The following WDR47 variants were observed in gnomAD, a reference collection of about 807,000 sequenced individuals.
The protein encoded by WDR47 is WD repeat-containing protein 47.
In WDR47, 32 loss-of-function variants were observed where a neutral mutation model predicts 97.2. The observed-to-expected ratio is 0.33, with a 90% confidence interval of 0.25 to 0.44. WDR47 has a LOEUF of 0.44. Ranked by LOEUF, WDR47 falls within the 20% of genes least tolerant of loss-of-function variation. The pLI, the probability that WDR47 is intolerant of heterozygous loss-of-function variation, is 1.00. For synonymous variants in WDR47, 375 were observed against 373.5 expected, an observed-to-expected ratio of 1.00 and a Z score of -0.05; for missense variants, 782 against 1,102.3, an observed-to-expected ratio of 0.71 and a Z score of 4.11.
In WDR47 at chr1:108,995,808, A is replaced by G. The variant is rs778028121; in HGVS notation, c.1463T>C (p.Ile488Thr). The G allele has an allele frequency of 6.2e-7, 1 of 1,614,134 alleles. No homozygotes were observed. The highest frequency in any genetic ancestry group is 8.5e-7 in the Non-Finnish European group (1 of 1,180,004). ...RSIQKLGELN[I>T]GMDGLGNEVS... ...CTCATTACCAAGGCCATCCATTCCA[A>G]TATTTAATTCACCAAGCTTTTGAAT... The change falls in exon 8 of 15, where the codon ATT becomes ACT. Residue 488 changes from isoleucine to threonine, a missense_variant. By Grantham distance (89) the Ile-to-Thr change is moderately conservative. Coordinates refer to ENST00000369962, the MANE Select transcript of WDR47 (RefSeq NM_001142551.2).
intron 9 of WDR47, among the ~76,000 whole-genome samples, chr1:108,988,355 G>A (rs1377899910): frequency 6.6e-6 from 1 of 151,424 alleles, no homozygotes; most frequent in Non-Finnish European, 1.5e-5. Flanking sequence ...TTTCATTTGT[G>A]TTTCTAAATG....
intron 11 of WDR47, 132 bp from the exon 12 acceptor site, chr1:108,982,911 T>A: frequency 9.4e-7 from 1 of 1,059,940 alleles, no homozygotes. Context: ...CATTTAGGGA[T>A]TGGTATTATA....
chr1:108,997,638 T>C (rs553491293), intron 7 of WDR47, among the ~76,000 whole-genome samples: 5 of 150,358 alleles, frequency 3.3e-5, no homozygotes, highest in Admixed American at 6.7e-5. Context: ...TGGGCGCCTG[T>C]AGTCCCAGCT....
At chr1:108,987,986 AGC>A (rs1658970217) in intron 9 of WDR47, among the ~76,000 whole-genome samples, 5 of 151,936 alleles carry the variant, frequency 3.3e-5, no homozygotes, top group African/African-American at 1.2e-4. Context: ...CTATAATCCC[AGC>A]ACTTTGTGAG....
intron 7 of WDR47, among the ~76,000 whole-genome samples, chr1:108,997,484 C>T (rs550791396): frequency 4.6e-5 from 7 of 150,912 alleles, no homozygotes; most frequent in African/African-American, 7.3e-5. Context: ...GGGCTGGGCG[C>T]GGTGGCTCAT....
At chr1:108,990,889 C>A (rs1659285975) in intron 9 of WDR47, among the ~76,000 whole-genome samples, 1 of 152,184 alleles carries the variant, frequency 6.6e-6, no homozygotes. Flanking sequence ...TCCCACGTGT[C>A]CAACTGTGCT....
chr1:108,989,703 A>T (rs1659168832), intron 9 of WDR47, among the ~76,000 whole-genome samples: 1 of 152,000 alleles, frequency 6.6e-6, no homozygotes, highest in African/African-American at 2.4e-5. Context: ...AGTGTTTTAA[A>T]TTTTTTTTGA....
At chr1:109,031,911 C>T (rs1352334519) in intron 1 of WDR47, among the ~76,000 whole-genome samples, 1 of 134,934 alleles carries the variant, frequency 7.4e-6, no homozygotes, top group Non-Finnish European at 1.6e-5. Flanking sequence ...GAGATCCTCC[C>T]GCCTCAGCCT....
intron 1 of WDR47, among the ~76,000 whole-genome samples, chr1:109,029,672 T>A (rs13302954): frequency 0.15 from 10,066 of 68,180 alleles, 436 homozygotes; most frequent in Middle Eastern, 0.3. Flanking sequence ...ACTCTGTCTC[T>A]AAATAAATAA....
intron 1 of WDR47, among the ~76,000 whole-genome samples, chr1:109,039,406 C>T (rs1227670746): frequency 1.3e-5 from 2 of 152,026 alleles, no homozygotes; most frequent in South Asian, 2.1e-4. Flanking sequence ...TACAGGCACA[C>T]GCCACCATGC....
chr1:108,978,405 G>A (rs1658090841), intron 13 of WDR47, among the ~76,000 whole-genome samples: 1 of 152,016 alleles, frequency 6.6e-6, no homozygotes. Context: ...CGTGAACCCG[G>A]GAGGCGGAGC....
At chr1:109,008,675 T>C (rs1364210189) in intron 5 of WDR47, among the ~76,000 whole-genome samples, 1 of 152,088 alleles carries the variant, frequency 6.6e-6, no homozygotes, top group Admixed American at 6.6e-5. Context: ...TGGTGCGATC[T>C]AGGCTGACTG....
At chr1:109,006,489 T>C (rs764460894) in intron 5 of WDR47, among the ~76,000 whole-genome samples, 16 of 152,174 alleles carry the variant, frequency 1.1e-4, no homozygotes, top group African/African-American at 2.9e-4. Context: ...AAAGAAGAAT[T>C]TGTAAGAGCT....
chr1:108,992,316 C>T lies in WDR47; in HGVS notation c.1692-987G>A, dbSNP rs998292984. 3.3e-4 allele frequency: 254 copies of T among 761,198 alleles called. 1 individual carries two copies. The highest frequency in any genetic ancestry group is 4.9e-4 in the Non-Finnish European group (203 of 415,538). 47.2% of individuals were successfully genotyped at this position (761,198 alleles called of 1,614,324 possible). ...TATTCACTTGACCCGGAGAACCCCA[C>T]GGAATCATGCAAATCAAGAGGTTCC... On this transcript the variant is annotated intron_variant, in intron 8 of 14. Transcript: ENST00000369962.
chr1:108,999,211 G>C (rs1225281322), intron 7 of WDR47, among the ~76,000 whole-genome samples: 3 of 148,108 alleles, frequency 2.0e-5, no homozygotes, highest in Non-Finnish European at 4.5e-5. Flanking sequence ...TGGGCAACAA[G>C]AGCAAGACTC....
At chr1:108,996,358 T>C (rs1324151245) in intron 7 of WDR47, among the ~76,000 whole-genome samples, 1 of 152,142 alleles carries the variant, frequency 6.6e-6, no homozygotes, top group Non-Finnish European at 1.5e-5. Context: ...CCAGCCAGTA[T>C]CACAGACTTT....
At position 108,991,748 on chromosome 1, in the gene WDR47, A is replaced by AT. The variant is rs574087311; in HGVS notation, c.1692-420dup. On this transcript the variant is annotated intron_variant, in intron 8 of 14. Coordinates refer to ENST00000369962, the MANE Select transcript of WDR47 (RefSeq NM_001142551.2). ...GTAAAACTATGTTTCCTCTTAATCA[A>AT]TTTTTGTGAGGCCAACAAGCAGACA... 2.2e-4 allele frequency among the ~76,000 whole-genome samples: 33 copies of AT among 152,170 alleles called. No homozygotes were observed. The East Asian group carries it at 5.8e-3, about 27-fold the overall frequency.
chr1:109,009,071 G>A lies in WDR47; in HGVS notation c.1130+1845C>T, dbSNP rs866954097. Among the ~76,000 whole-genome samples the A allele has an allele frequency of 1.5e-4, 23 of 151,946 alleles. 1 individual carries two copies. The highest frequency in any genetic ancestry group is 3.9e-4 in the African/African-American group (16 of 41,522). ...CTGCACTCCAGCCTGGTGACAGAGCGGGACTCCATCTCAAAAAAAAAATAA... is the reference window on the plus strand; with the variant it reads ...CTGCACTCCAGCCTGGTGACAGAGCAGGACTCCATCTCAAAAAAAAAATAA... On this transcript the variant is annotated intron_variant, in intron 5 of 14. Coordinates refer to ENST00000369962, the MANE Select transcript of WDR47 (RefSeq NM_001142551.2).
At chr1:109,004,114 A>C (rs895061756) in intron 6 of WDR47, among the ~76,000 whole-genome samples, 1 of 151,956 alleles carries the variant, frequency 6.6e-6, no homozygotes, top group Non-Finnish European at 1.5e-5. Flanking sequence ...AATACAAAAA[A>C]ATCAGCCAGG....
Sources: allele counts gnomAD v4.1 joint callset (sites outside exome capture counted in the v4.1 genomes callset), GRCh38; gene constraint gnomAD v4.1.1; transcripts MANE v1.5; gene names NCBI Gene and HGNC (gene_info 2026-07-23, HGNC 2026-07-21).